Variants in ATG14 observed in about 807,000 individuals in gnomAD.
ATG14 encodes beclin 1-associated autophagy-related key regulator.
ATG14 carries 35 observed loss-of-function variants against 60.4 expected under a neutral mutation model. The observed-to-expected ratio is 0.58, with a 90% CI of 0.44 to 0.77. ATG14 has a LOEUF of 0.77. Among genes scored for constraint, ATG14 ranks in the 30% least tolerant of loss-of-function variants. ATG14 has a pLI of 0.00. For synonymous variants in ATG14, 234 were observed against 228.8 expected, an observed-to-expected ratio of 1.02 and a Z score of -0.21; for missense variants, 647 against 626.3, an observed-to-expected ratio of 1.03 and a Z score of -0.35.
At chr14:55,371,832 C>G (rs1884825850) in intron 9 of ATG14, among the ~76,000 whole-genome samples, 1 of 152,044 alleles carries the variant, frequency 6.6e-6, no homozygotes, top group African/African-American at 2.4e-5. Flanking sequence ...CAAAGAGCCC[C>G]TCAGACTAGG....
chr14:55,372,938 T>C (rs1884851079), intron 9 of ATG14, among the ~76,000 whole-genome samples: 3 of 152,162 alleles, frequency 2.0e-5, no homozygotes, highest in African/African-American at 7.2e-5. Context: ...GGAAGACTCC[T>C]CAAGGGGCCA....
At position 55,369,281 on chromosome 14, in the gene ATG14, A is replaced by ATATC. The variant is rs146474280; in HGVS notation, c.*334_*337dup. The stretch of plus-strand genomic sequence containing the variant: ...ACCGCAAGGACCAGCACACTGACCC[A>ATATC]TATCTGTGGGCCCGGTGGCCCGGGC... On this transcript the variant is annotated 3_prime_UTR_variant, in exon 10 of 10. Coordinates refer to ENST00000247178, the MANE Select transcript of ATG14 (RefSeq NM_014924.5). 16,291 of 185,956 alleles carry ATATC rather than the reference A, an allele frequency of 0.088. 2,202 individuals carry two copies. The highest frequency in any genetic ancestry group is 0.31 in the African/African-American group (13,424 of 42,724). The allele number at this position is 185,956 out of a possible 1,614,324, so 11.5% of individuals were successfully genotyped here.
At chr14:55,371,166 G>T (rs1884808552) in intron 9 of ATG14, among the ~76,000 whole-genome samples, 2 of 152,304 alleles carry the variant, frequency 1.3e-5, no homozygotes, top group Admixed American at 6.5e-5. Context: ...CACTGATAAC[G>T]ACTTTGGGGA....
intron 4 of ATG14, among the ~76,000 whole-genome samples, chr14:55,386,491 T>C (rs1186589566): frequency 6.6e-6 from 1 of 152,210 alleles, no homozygotes; most frequent in Non-Finnish European, 1.5e-5. Flanking sequence ...AGAAACTTCT[T>C]AGGTGTGCCT....
At chr14:55,390,847 T>G in intron 4 of ATG14, 64 bp downstream of exon 4, 6 of 1,157,376 alleles carry the variant, frequency 5.2e-6, no homozygotes, top group Non-Finnish European at 2.5e-6. Flanking sequence ...CTCTAGTTTA[T>G]TAATCCCATG....
rs1884739097 is a variant in ATG14 at position 55,368,624 on chromosome 14, A to T, written c.*995T>A. On this transcript the variant is annotated 3_prime_UTR_variant, in exon 10 of 10. Transcript: ENST00000247178. Reference sequence around the variant, plus strand: ...TGAGCAAAGCTGTGTCCTCAGAGCAACAAAGAGTTCGGGGAAACAAGTAGG... The same window carrying T: ...TGAGCAAAGCTGTGTCCTCAGAGCATCAAAGAGTTCGGGGAAACAAGTAGG... 1.3e-5 allele frequency: 2 copies of T among 152,188 alleles called. No individual in the cohort carries two copies. The highest frequency in any genetic ancestry group is 2.9e-5 in the Non-Finnish European group (2 of 68,054). 9.4% of individuals were successfully genotyped at this position (152,188 alleles called of 1,614,324 possible). A position where few individuals can be genotyped will look rare whatever the true frequency, so the allele number is the denominator to read the frequency against.
At chr14:55,375,559 G>T (rs1015148417) in intron 9 of ATG14, among the ~76,000 whole-genome samples, 2 of 142,720 alleles carry the variant, frequency 1.4e-5, no homozygotes, top group African/African-American at 5.2e-5. Flanking sequence ...GCCCAGGCTG[G>T]TCTTGAACTC....
chr14:55,388,996 T>G (rs142046188), intron 4 of ATG14, among the ~76,000 whole-genome samples: 1 of 152,268 alleles, frequency 6.6e-6, no homozygotes, highest in African/African-American at 2.4e-5. Flanking sequence ...CGTTCAAGCA[T>G]GTGATCATTT....
At chr14:55,370,000 G>A in intron 9 of ATG14, 75 bp from the exon 10 acceptor site, 1 of 1,453,766 alleles carries the variant, frequency 6.9e-7, no homozygotes, top group Non-Finnish European at 9.3e-7. Flanking sequence ...TCTTCCTGAA[G>A]GCCCTCACCT....
At chr14:55,370,628 G>A (rs1172128571) in intron 9 of ATG14, among the ~76,000 whole-genome samples, 1 of 151,664 alleles carries the variant, frequency 6.6e-6, no homozygotes, top group Non-Finnish European at 1.5e-5. Context: ...GCAAACCTCA[G>A]AAGCCTTTCT....
chr14:55,398,572 C>G (rs1885351939), intron 1 of ATG14, among the ~76,000 whole-genome samples: 1 of 152,106 alleles, frequency 6.6e-6, no homozygotes, highest in South Asian at 2.1e-4. Context: ...ACAGGCTTTT[C>G]TAGGTAGCTT....
At chr14:55,388,967 C>T (rs190428236) in intron 4 of ATG14, among the ~76,000 whole-genome samples, 40 of 151,698 alleles carry the variant, frequency 2.6e-4, no homozygotes, top group African/African-American at 9.0e-4. Flanking sequence ...TTCAACATGG[C>T]GATTTGACAT....
At chr14:55,380,959 C>T (rs945279790) in intron 6 of ATG14, among the ~76,000 whole-genome samples, 2 of 148,740 alleles carry the variant, frequency 1.3e-5, no homozygotes, top group Non-Finnish European at 3.0e-5. Context: ...TAAAGTCTGA[C>T]CTGTGTGAAC....
chr14:55,381,912 A>T, intron 6 of ATG14, 50 bp downstream of exon 6: 1 of 1,497,420 alleles, frequency 6.7e-7, no homozygotes, highest in East Asian at 2.3e-5. Context: ...TGTCAATTTT[A>T]CCTATAACTC....
chr14:55,380,875 A>ATATATTTT (rs377330757), intron 6 of ATG14, among the ~76,000 whole-genome samples, 185 bp from the exon 7 acceptor site: 8 of 112,704 alleles, frequency 7.1e-5, no homozygotes, highest in African/African-American at 2.7e-4. Context: ...ATATATATAT[A>ATATATTTT]TTTTTTTTTT....
At chr14:55,393,325 C>T (rs1054834630) in intron 3 of ATG14, among the ~76,000 whole-genome samples, 29 of 151,564 alleles carry the variant, frequency 1.9e-4, no homozygotes, top group South Asian at 6.3e-4. Context: ...GTGGAGGTTG[C>T]AGTGAGCCGA....
In ATG14 at chr14:55,369,680, A is replaced by G; in HGVS notation, c.1418T>C (p.Met473Thr). The G allele has an allele frequency of 1.9e-6, 3 of 1,585,388 alleles. No individual in the cohort carries two copies. Among genetic ancestry groups the G allele is most frequent in the Non-Finnish European group, 2.6e-6 (3 of 1,162,498 alleles). The change falls in exon 10 of 10, where the codon ATG (methionine) becomes ACG (threonine). Residue 473 changes from methionine to threonine, a missense_variant. Met to Thr is a moderately conservative substitution (Grantham distance 81). Transcript: ENST00000247178. ...CACCGAGGCTGCTGCAGAGGAGATC[A>G]TCCCACCTGCACTGCTGCTCGCGAT... Reference protein sequence around the residue: ...PPIASSSAGGMISSAAASVTS... With the variant: ...PPIASSSAGGTISSAAASVTS...
chr14:55,400,734 C>T (rs913291728), intron 1 of ATG14, among the ~76,000 whole-genome samples: 1 of 152,000 alleles, frequency 6.6e-6, no homozygotes, highest in African/African-American at 2.4e-5. Flanking sequence ...GAAACTCTGT[C>T]TCTACTAAAA....
At chr14:55,381,686 G>T (rs1215708661) in intron 6 of ATG14, among the ~76,000 whole-genome samples, 8 of 152,206 alleles carry the variant, frequency 5.3e-5, no homozygotes, top group African/African-American at 1.9e-4. Flanking sequence ...TATATAAGCT[G>T]CCCAGAACAG....
Sources: allele counts gnomAD v4.1 joint callset (sites outside exome capture counted in the v4.1 genomes callset), GRCh38; gene constraint gnomAD v4.1.1; transcripts MANE v1.5; gene names NCBI Gene and HGNC (gene_info 2026-07-23, HGNC 2026-07-21).